The following TMEM132D variants were observed in gnomAD, a reference collection of about 807,000 sequenced individuals.
TMEM132D encodes the protein mature OL transmembrane protein.
A neutral mutation model predicts 62.3 loss-of-function variants in TMEM132D; 21 were observed. The ratio of observed to expected loss-of-function variants is 0.34; its 90% CI spans 0.24 to 0.49. The LOEUF (loss-of-function observed/expected upper bound fraction) is 0.49. Among genes scored for constraint, TMEM132D ranks in the 20% least tolerant of loss-of-function variants. TMEM132D has a pLI of 0.99. For missense variants in TMEM132D, 1,346 were observed against 1,402.8 expected (o/e 0.96, Z 0.65); for synonymous variants, 621 against 575.6 (o/e 1.08, Z -1.13).
chr12:129,263,363 G>A (rs1049164265), intron 4 of TMEM132D, among the ~76,000 whole-genome samples: 4 of 152,158 alleles, frequency 2.6e-5, no homozygotes, highest in Non-Finnish European at 5.9e-5. Context: ...TGTTCTAAGT[G>A]CCTAGCTTAC....
chr12:129,252,576 C>G (rs1434395129), intron 4 of TMEM132D, among the ~76,000 whole-genome samples: 3 of 152,166 alleles, frequency 2.0e-5, no homozygotes, highest in African/African-American at 4.8e-5. Flanking sequence ...AATAGGAACG[C>G]TTTTACACTG....
intron 3 of TMEM132D, among the ~76,000 whole-genome samples, chr12:129,483,061 A>G (rs1397017421): frequency 6.6e-6 from 1 of 151,918 alleles, no homozygotes; most frequent in Non-Finnish European, 1.5e-5. Flanking sequence ...AATTCAAATG[A>G]CCTGAGAGCT....
At chr12:129,647,478 C>G (rs1361898680) in intron 2 of TMEM132D, among the ~76,000 whole-genome samples, 1 of 152,094 alleles carries the variant, frequency 6.6e-6, no homozygotes, top group Admixed American at 6.5e-5. Flanking sequence ...AGCAGAACTG[C>G]TGGATCATGG....
intron 5 of TMEM132D, among the ~76,000 whole-genome samples, chr12:129,086,739 G>A (rs1487606971): frequency 2.7e-5 from 4 of 147,984 alleles, no homozygotes; most frequent in Non-Finnish European, 5.9e-5. Context: ...TTTATATATA[G>A]CATTATATAC....
chr12:129,314,258 T>C (rs1868407473), intron 4 of TMEM132D, among the ~76,000 whole-genome samples: 1 of 152,236 alleles, frequency 6.6e-6, no homozygotes, highest in South Asian at 2.1e-4. Context: ...GGTCTTAGGT[T>C]TAAGTCCTTA....
chr12:129,306,099 G>T (rs887331598), intron 4 of TMEM132D, among the ~76,000 whole-genome samples: 1 of 152,092 alleles, frequency 6.6e-6, no homozygotes, highest in Non-Finnish European at 1.5e-5. Context: ...CTCTGACAAT[G>T]TTGTCTCAGG....
chr12:129,290,494 T>C lies in TMEM132D; in HGVS notation c.1299+47140A>G, dbSNP rs547498932. ...CATGCATAGATCTCAAGAATTATTG[T>C]TGATCAAAAGAAAAGTAAGTTGCAA... On this transcript the variant is annotated intron_variant, in intron 4 of 8. Transcript: ENST00000422113. 6.6e-5 allele frequency among the ~76,000 whole-genome samples: 10 copies of C among 152,330 alleles called. 2 individuals carry two copies. The highest frequency in any genetic ancestry group is 2.4e-4 in the African/African-American group (10 of 41,584).
At chr12:129,461,108 G>T (rs1387803414) in intron 3 of TMEM132D, among the ~76,000 whole-genome samples, 1 of 152,212 alleles carries the variant, frequency 6.6e-6, no homozygotes. Context: ...AGGGTTGAGG[G>T]TGGTGGGGAC....
At chr12:129,800,900 C>T (rs961576570) in intron 1 of TMEM132D, among the ~76,000 whole-genome samples, 1 of 152,164 alleles carries the variant, frequency 6.6e-6, no homozygotes, top group East Asian at 1.9e-4. Context: ...TTGCCTCACT[C>T]GGGAAGCACA....
At position 129,597,012 on chromosome 12, in the gene TMEM132D, TGA is replaced by T. The variant is rs1239035444; in HGVS notation, c.969-65809_969-65808del. On this transcript the variant is annotated intron_variant, in intron 2 of 8. Coordinates refer to ENST00000422113, the MANE Select transcript of TMEM132D (RefSeq NM_133448.3). ...TGCTATGTTATGGTTGAAACGCAGG[TGA>T]GAGTGTGAATACAATATTTTGGTTC... 2.0e-5 allele frequency among the ~76,000 whole-genome samples: 3 copies of T among 152,198 alleles called. No homozygotes were observed. The East Asian group carries it at 5.8e-4, about 29-fold the overall frequency.
chr12:129,417,197 G>A (rs2135708871), intron 3 of TMEM132D, among the ~76,000 whole-genome samples: 1 of 151,992 alleles, frequency 6.6e-6, no homozygotes, highest in East Asian at 1.9e-4. Flanking sequence ...TTTGTTGGTA[G>A]GCTATTAATT....
intron 3 of TMEM132D, among the ~76,000 whole-genome samples, chr12:129,487,040 G>A (rs373981968): frequency 1.5e-4 from 23 of 151,778 alleles, no homozygotes; most frequent in African/African-American, 2.4e-4. Flanking sequence ...ATGGGGGGGG[G>A]GGTTGTGGGT....
rs76982937 is a variant in TMEM132D, at chr12:129,118,041, A to G, written c.1444-33339T>C. Among the ~76,000 whole-genome samples the G allele has an allele frequency of 6.7e-3, 1,025 of 152,292 alleles. 9 individuals are homozygous for G. Among genetic ancestry groups the G allele is most frequent in the African/African-American group, 0.022 (932 of 41,578 alleles). On this transcript the variant is annotated intron_variant, in intron 5 of 8. Transcript: ENST00000422113. Reference sequence around the variant, plus strand: ...CTACTGGTATTTTGTGCATCTGCCCAGAGAGAGTCTATGCATATACCAGCA... The same window carrying G: ...CTACTGGTATTTTGTGCATCTGCCCGGAGAGAGTCTATGCATATACCAGCA...
chr12:129,902,744 C>T (rs192256050), intron 1 of TMEM132D, among the ~76,000 whole-genome samples: 3,251 of 152,148 alleles, frequency 0.021, 110 homozygotes, highest in Admixed American at 0.083. Flanking sequence ...TCTTCAGAGC[C>T]GCCCCCCAGG....
At chr12:129,195,657 C>T (rs957995565) in intron 5 of TMEM132D, among the ~76,000 whole-genome samples, 1 of 152,136 alleles carries the variant, frequency 6.6e-6, no homozygotes, top group African/African-American at 2.4e-5. Flanking sequence ...TAGCTGAAGG[C>T]ATATTCCTAC....
At chr12:129,590,297 C>T (rs887318816) in intron 2 of TMEM132D, among the ~76,000 whole-genome samples, 4 of 152,146 alleles carry the variant, frequency 2.6e-5, no homozygotes, top group African/African-American at 9.7e-5. Context: ...GCCACCACGT[C>T]AGAACTGCCA....
intron 1 of TMEM132D, among the ~76,000 whole-genome samples, chr12:129,820,939 C>T (rs992636515): frequency 6.6e-6 from 1 of 152,168 alleles, no homozygotes; most frequent in Non-Finnish European, 1.5e-5. Flanking sequence ...AAGGCTCAAA[C>T]CAAGTGCTGA....
intron 2 of TMEM132D, among the ~76,000 whole-genome samples, chr12:129,553,393 G>A (rs1012565751): frequency 1.3e-5 from 2 of 152,150 alleles, no homozygotes; most frequent in Non-Finnish European, 2.9e-5. Flanking sequence ...GCTTCCATAT[G>A]TAACATTTAC....
intron 4 of TMEM132D, among the ~76,000 whole-genome samples, chr12:129,261,114 C>A (rs1880539541): frequency 6.6e-6 from 1 of 152,170 alleles, no homozygotes; most frequent in East Asian, 1.9e-4. Context: ...GTTGTGCTAA[C>A]TTACATTCCC....
Sources: gnomAD v4.1 joint callset for allele counts (sites outside exome capture counted in the v4.1 genomes callset) on GRCh38, gnomAD v4.1.1 for gene constraint, MANE v1.5 for transcripts, NCBI Gene and HGNC (gene_info 2026-07-23, HGNC 2026-07-21) for gene names.